Variants in SLC24A2 observed in about 807,000 individuals in gnomAD.
SLC24A2 encodes solute carrier family 24 member 2, also known as sodium/potassium/calcium exchanger 2.
A neutral mutation model predicts 62.0 loss-of-function variants in SLC24A2; 36 were observed. The observed-to-expected ratio is 0.58, with a 90% CI of 0.44 to 0.77. SLC24A2 has a LOEUF of 0.77. Ranked by LOEUF, SLC24A2 falls within the 30% of genes least tolerant of loss-of-function variation. SLC24A2 has a pLI of 0.00. For missense variants in SLC24A2, 846 were observed against 817.9 expected (o/e 1.03, Z -0.42); for synonymous variants, 358 against 294.0 (o/e 1.22, Z -2.23).
the SLC24A2 span, among the ~76,000 whole-genome samples, chr9:19,980,316 A>G: frequency 6.6e-6 from 1 of 152,158 alleles, no homozygotes; most frequent in Non-Finnish European, 1.5e-5. Flanking sequence ...TCCACACTTG[A>G]AGAAGCAAGC....
the SLC24A2 span, among the ~76,000 whole-genome samples, chr9:19,841,899 A>G: frequency 0.7 from 105,900 of 152,140 alleles, 41,231 homozygotes; most frequent in Non-Finnish European, 0.88. Context: ...TAAAGTGTCT[A>G]TGGTGGCAGG....
the SLC24A2 span, among the ~76,000 whole-genome samples, chr9:19,947,122 TC>T: frequency 6.6e-6 from 1 of 152,162 alleles, no homozygotes; most frequent in Non-Finnish European, 1.5e-5. Context: ...GTCGAGCTGT[TC>T]ATTTTGGCTG....
the SLC24A2 span, among the ~76,000 whole-genome samples, chr9:19,913,689 T>C: frequency 1.3e-5 from 2 of 152,070 alleles, no homozygotes; most frequent in Non-Finnish European, 2.9e-5. Context: ...CTTTATCAAA[T>C]ACAATTTGAA....
At chr9:19,985,470 G>A in the SLC24A2 span, among the ~76,000 whole-genome samples, 1 of 152,080 alleles carries the variant, frequency 6.6e-6, no homozygotes, top group South Asian at 2.1e-4. Context: ...AAATGAAACA[G>A]CCAGACACAA....
chr9:19,716,313 T>C (rs1820858346), intron 2 of SLC24A2, among the ~76,000 whole-genome samples: 1 of 152,258 alleles, frequency 6.6e-6, no homozygotes, highest in Admixed American at 6.5e-5. Context: ...GAATGCATTT[T>C]ATCCTGATTA....
chr9:19,898,611 G>A, the SLC24A2 span, among the ~76,000 whole-genome samples: 9 of 151,822 alleles, frequency 5.9e-5, no homozygotes, highest in East Asian at 1.9e-4. Context: ...GCGTGGTGGC[G>A]GGCACCTGTA....
At chr9:19,656,718 T>C (rs1226234457) in intron 2 of SLC24A2, among the ~76,000 whole-genome samples, 3 of 152,218 alleles carry the variant, frequency 2.0e-5, no homozygotes, top group Non-Finnish European at 4.4e-5. Context: ...TGAAATCTGA[T>C]GTGGAGACAC....
At chr9:19,947,808 A>AAAAGAAAGGAAGAAAGAAAGAAAG in the SLC24A2 span, among the ~76,000 whole-genome samples, 1 of 59,226 alleles carries the variant, frequency 1.7e-5, no homozygotes, top group Non-Finnish European at 3.1e-5. Flanking sequence ...AAAAAAAAAA[A>AAAAGAAAGGAAGAAAGAAAGAAAG]AAAGAAAGAA....
At chr9:20,091,425 G>T in the SLC24A2 span, among the ~76,000 whole-genome samples, 4 of 152,028 alleles carry the variant, frequency 2.6e-5, no homozygotes, top group East Asian at 1.9e-4. Flanking sequence ...AGGCCAGAAT[G>T]AAAGAATATT....
At chr9:20,184,098 T>A in the SLC24A2 span, among the ~76,000 whole-genome samples, 1 of 152,152 alleles carries the variant, frequency 6.6e-6, no homozygotes, top group East Asian at 1.9e-4. Flanking sequence ...AATTTAAAAA[T>A]GGGCAAAGAA....
the SLC24A2 span, among the ~76,000 whole-genome samples, chr9:20,048,552 A>T: frequency 2.6e-5 from 4 of 152,220 alleles, no homozygotes; most frequent in East Asian, 7.7e-4. Flanking sequence ...TAGTCTGAAA[A>T]ATATTCTTCT....
chr9:20,233,280 T>C, the SLC24A2 span, among the ~76,000 whole-genome samples: 56 of 152,292 alleles, frequency 3.7e-4, no homozygotes, highest in Middle Eastern at 3.4e-3. Context: ...CTGGGTATCC[T>C]TGTTAACTTT....
intron 9 of SLC24A2, among the ~76,000 whole-genome samples, chr9:19,527,808 G>T (rs1032682981): frequency 2.6e-5 from 4 of 152,168 alleles, no homozygotes; most frequent in Non-Finnish European, 5.9e-5. Context: ...GAGGCAAGAA[G>T]TAGTTAGACT....
the SLC24A2 span, among the ~76,000 whole-genome samples, chr9:19,878,587 G>A: frequency 6.6e-6 from 1 of 152,056 alleles, no homozygotes; most frequent in Non-Finnish European, 1.5e-5. Flanking sequence ...TTGGATCATG[G>A]GGGTGGATTT....
At chr9:20,134,426 C>CAG in the SLC24A2 span, among the ~76,000 whole-genome samples, 4 of 152,076 alleles carry the variant, frequency 2.6e-5, no homozygotes, top group African/African-American at 9.7e-5. Flanking sequence ...CCTGGAGTCA[C>CAG]AGAGGCCAGG....
chr9:20,041,454 G>A, the SLC24A2 span, among the ~76,000 whole-genome samples: 1 of 152,232 alleles, frequency 6.6e-6, no homozygotes, highest in Admixed American at 6.5e-5. Context: ...CAAAAAGCAT[G>A]TGCATGCCCA....
chr9:20,222,285 A>G, the SLC24A2 span, among the ~76,000 whole-genome samples: 1 of 152,046 alleles, frequency 6.6e-6, no homozygotes, highest in Non-Finnish European at 1.5e-5. Context: ...TCAAAAAAAA[A>G]TAAGCAAGAA....
At chr9:19,765,978 G>A (rs997639135) in intron 2 of SLC24A2, among the ~76,000 whole-genome samples, 5 of 152,104 alleles carry the variant, frequency 3.3e-5, no homozygotes, top group Admixed American at 3.3e-4. Context: ...ATATTTCTTG[G>A]AGGCTTTGTT....
At chr9:19,740,153 T>A (rs1384572086) in intron 2 of SLC24A2, among the ~76,000 whole-genome samples, 1 of 53,850 alleles carries the variant, frequency 1.9e-5, no homozygotes, top group Non-Finnish European at 3.6e-5. Flanking sequence ...TACAACCACT[T>A]TGAAAAATTC....
Sources: gnomAD v4.1 joint callset for allele counts (sites outside exome capture counted in the v4.1 genomes callset) on GRCh38, gnomAD v4.1.1 for gene constraint, MANE v1.5 for transcripts, NCBI Gene and HGNC (gene_info 2026-07-23, HGNC 2026-07-21) for gene names.